Variants in DNMT3B observed in about 807,000 individuals in gnomAD.
DNMT3B encodes the protein DNA (cytosine-5)-methyltransferase 3B.
Under a neutral mutation model 120.2 loss-of-function variants are expected in DNMT3B, and 37 were observed. The observed-to-expected ratio is 0.31, with a 90% CI of 0.24 to 0.40. The LOEUF (loss-of-function observed/expected upper bound fraction) is 0.40, where lower values mean the gene tolerates loss of function less well. Ranked by LOEUF, DNMT3B falls within the 10% of genes least tolerant of loss-of-function variation. The pLI, the probability that DNMT3B is intolerant of heterozygous loss-of-function variation, is 1.00. For synonymous variants in DNMT3B, 412 were observed against 442.8 expected, an observed-to-expected ratio of 0.93 and a Z score of 0.87; for missense variants, 878 against 1,137.3, an observed-to-expected ratio of 0.77 and a Z score of 3.28.
At chr20:32,776,731 C>G (rs1377205218) in intron 1 of DNMT3B, among the ~76,000 whole-genome samples, 2 of 151,998 alleles carry the variant, frequency 1.3e-5, no homozygotes, top group African/African-American at 2.4e-5. Context: ...AAAAAGATGA[C>G]CTTATTGGGG....
At position 32,795,527 on chromosome 20, in the gene DNMT3B, G is replaced by T; in HGVS notation, c.1245G>T (p.Gln415His). Residue 415 changes from glutamine (Q) to histidine (H), a missense_variant, in exon 11 of 23, where the codon CAG becomes CAT. Transcript: ENST00000328111. ...GCAAAGACCGAGGGGATGAAGATCA[G>T]AGCCGAGGTGATTGTTGGGTACCTG... is the stretch of plus-strand genomic sequence containing the variant. ...NNGKDRGDED[Q>H]SREQMASDVA... 1 of 1,614,184 alleles carries T rather than the reference G, an allele frequency of 6.2e-7. No homozygotes were observed. The highest frequency in any genetic ancestry group is 8.5e-7 in the Non-Finnish European group (1 of 1,180,034).
intron 1 of DNMT3B, among the ~76,000 whole-genome samples, chr20:32,763,713 G>GT (rs950921267): frequency 7.2e-5 from 11 of 152,204 alleles, no homozygotes; most frequent in Non-Finnish European, 1.3e-4. Flanking sequence ...GATCTCACCT[G>GT]TGGATGGAGT....
chr20:32,798,323 G>A (rs568061014), intron 14 of DNMT3B, 137 bp from the exon 15 acceptor site: 11 of 1,086,314 alleles, frequency 1.0e-5, no homozygotes, highest in Middle Eastern at 2.7e-4. Flanking sequence ...ACAGGGCCCC[G>A]CAGGCTATGC....
intron 10 of DNMT3B, 101 bp from the exon 11 acceptor site, chr20:32,795,308 A>G (rs1460802906): frequency 9.4e-6 from 15 of 1,588,628 alleles, no homozygotes; most frequent in South Asian, 3.3e-5. Flanking sequence ...TCATGCCCCA[A>G]TTGCAGCTGG....
chr20:32,767,287 G>A (rs1220531461), intron 1 of DNMT3B, among the ~76,000 whole-genome samples: 1 of 150,328 alleles, frequency 6.7e-6, no homozygotes, highest in African/African-American at 2.4e-5. Context: ...GTGTTCCCTC[G>A]TGTTCCCGCC....
intron 14 of DNMT3B, 55 bp downstream of exon 14, chr20:32,797,354 T>A: frequency 6.5e-7 from 1 of 1,541,200 alleles, no homozygotes; most frequent in Non-Finnish European, 8.9e-7. Flanking sequence ...GCTCCTACGT[T>A]CCTGCAGTCT....
intron 4 of DNMT3B, 58 bp downstream of exon 4, chr20:32,784,917 T>C: frequency 1.3e-6 from 2 of 1,496,022 alleles, no homozygotes; most frequent in Middle Eastern, 1.8e-4. Flanking sequence ...ATAGCATACA[T>C]AGCATGCTAC....
intron 17 of DNMT3B, 60 bp downstream of exon 17, chr20:32,800,358 A>C: frequency 6.2e-7 from 1 of 1,610,176 alleles, no homozygotes. Flanking sequence ...CCAGTCCTCC[A>C]CACCCTGAAA....
rs1449550045 is a variant in DNMT3B at position 32,808,363 on chromosome 20, T to C, written c.*460T>C. 1 of 285,098 alleles carries C rather than the reference T, an allele frequency of 3.5e-6. No homozygotes were observed. Among genetic ancestry groups the C allele is most frequent in the Non-Finnish European group, 6.7e-6 (1 of 149,824 alleles). 17.7% of individuals were successfully genotyped at this position (285,098 alleles called of 1,614,324 possible). On this transcript the variant is annotated 3_prime_UTR_variant, in exon 23 of 23. Coordinates refer to ENST00000328111, the MANE Select transcript of DNMT3B (RefSeq NM_006892.4). ...GGCTACTGCTCTGTGTTTACAGACG[T>C]GTGCAGTTGTAGGCATGTAGCTACA...
Position 32,765,418 on chromosome 20 carries a change from T to C in DNMT3B, c.-7+2719T>C, listed in dbSNP as rs548164612. On this transcript the variant is annotated intron_variant, in intron 1 of 22. Transcript: ENST00000328111. Reference sequence around the variant, plus strand: ...GGTGGTGAGCATTTTCTTTCTCTTTTTTTCTTTCTTTTTTTTTTTTTTGAG... The same window carrying C: ...GGTGGTGAGCATTTTCTTTCTCTTTCTTTCTTTCTTTTTTTTTTTTTTGAG... Among the ~76,000 whole-genome samples the C allele has an allele frequency of 2.2e-3, 289 of 133,372 alleles. 2 individuals carry two copies. Among genetic ancestry groups the C allele is most frequent in the Non-Finnish European group, 3.1e-3 (203 of 65,918 alleles). The allele number at this position is 133,372 out of a possible 152,430, so 87.5% of individuals were successfully genotyped here. A position where few individuals can be genotyped will look rare whatever the true frequency, so the allele number is the denominator to read the frequency against.
At chr20:32,791,004 C>T (rs190149249) in intron 7 of DNMT3B, among the ~76,000 whole-genome samples, 31 of 152,336 alleles carry the variant, frequency 2.0e-4, no homozygotes, top group African/African-American at 6.5e-4. Context: ...TTTTCTCTCT[C>T]ACTGGCAACT....
In DNMT3B at chr20:32,787,335, A is replaced by G. The variant is rs747479840; in HGVS notation, c.538A>G (p.Thr180Ala). ...AGACGACACAGAGGACACACATGGG[A>G]CGCCCCAGAGCAGCAGTACCCCCTA... ...LTDDTEDTHG[T>A]PQSSSTPYAR... The change falls in exon 6 of 23, where the codon ACG becomes GCG. Residue 180 changes from threonine to alanine, a missense_variant. Around this residue, in one of 4 missense-constraint regions of DNMT3B, gnomAD observed 287 missense variants for 306.2 expected, o/e 0.94. Transcript: ENST00000328111. 2.5e-6 allele frequency: 4 copies of G among 1,614,204 alleles called. No individual in the cohort carries two copies. Among genetic ancestry groups the G allele is most frequent in the Non-Finnish European group, 3.4e-6 (4 of 1,180,036 alleles).
At chr20:32,780,951 G>A (rs779952220) in intron 2 of DNMT3B, among the ~76,000 whole-genome samples, 6 of 152,198 alleles carry the variant, frequency 3.9e-5, no homozygotes, top group Non-Finnish European at 5.9e-5. Flanking sequence ...TCCTGCGAGC[G>A]TGAAAGGGTT....
chr20:32,775,671 G>A (rs1304416368), intron 1 of DNMT3B, among the ~76,000 whole-genome samples: 1 of 152,260 alleles, frequency 6.6e-6, no homozygotes, highest in Non-Finnish European at 1.5e-5. Context: ...CACAAGGTTA[G>A]GCAGCCACCT....
chr20:32,772,771 T>C (rs1036169238), intron 1 of DNMT3B, among the ~76,000 whole-genome samples: 3 of 152,122 alleles, frequency 2.0e-5, no homozygotes, highest in Admixed American at 2.0e-4. Context: ...TAAAAGGTAA[T>C]GACATTATTT....
chr20:32,769,020 C>T (rs1987556225), intron 1 of DNMT3B, among the ~76,000 whole-genome samples: 1 of 152,186 alleles, frequency 6.6e-6, no homozygotes, highest in Admixed American at 6.5e-5. Context: ...TTGCTCAGTA[C>T]TAAATATGAT....
chr20:32,801,540 C>G, intron 19 of DNMT3B, 114 bp downstream of exon 19: 1 of 1,408,124 alleles, frequency 7.1e-7, no homozygotes, highest in Non-Finnish European at 9.9e-7. Context: ...CGTTCTTGGT[C>G]TGGCTAGATC....
chr20:32,765,347 G>C (rs1035174355), intron 1 of DNMT3B, among the ~76,000 whole-genome samples: 2 of 151,818 alleles, frequency 1.3e-5, no homozygotes, highest in Non-Finnish European at 2.9e-5. Context: ...CCCTTTTACA[G>C]GTGATAGAAC....
At chr20:32,765,735 A>G (rs374032284) in intron 1 of DNMT3B, among the ~76,000 whole-genome samples, 2 of 112,870 alleles carry the variant, frequency 1.8e-5, no homozygotes, top group East Asian at 3.1e-4. Context: ...TTATTTATTT[A>G]TTTATTTATT....
Sources: gnomAD v4.1 joint callset for allele counts (sites outside exome capture counted in the v4.1 genomes callset) on GRCh38, gnomAD v4.1.1 for gene constraint, gnomAD v4.1.1 regional missense constraint, MANE v1.5 for transcripts, NCBI Gene and HGNC (gene_info 2026-07-23, HGNC 2026-07-21) for gene names.